Variants in SCGN observed in about 807,000 individuals in gnomAD.
SCGN encodes the protein secretagogin, EF-hand calcium binding protein, also known as secretagogin.
In SCGN, 30 loss-of-function variants were observed where a neutral mutation model predicts 39.7. The observed-to-expected ratio is 0.76, with a 90% confidence interval of 0.57 to 1.03. The LOEUF is 1.03. SCGN is among the 50% of genes least tolerant of loss of function. The pLI is 0.00. For synonymous variants in SCGN, 106 were observed against 114.1 expected (o/e 0.93, Z 0.45); for missense variants, 353 against 349.4 (o/e 1.01, Z -0.08).
chr6:25,688,764 T>C (rs1380964849), intron 7 of SCGN, among the ~76,000 whole-genome samples: 1 of 140,654 alleles, frequency 7.1e-6, no homozygotes, highest in Non-Finnish European at 1.5e-5. Flanking sequence ...ATCGCACCAC[T>C]GCACTCCAGC....
At chr6:25,683,146 C>T (rs1012763907) in intron 7 of SCGN, among the ~76,000 whole-genome samples, 9 of 152,130 alleles carry the variant, frequency 5.9e-5, no homozygotes, top group African/African-American at 1.9e-4. Flanking sequence ...ACTGAGGGAC[C>T]AGCCAAAGAG....
At chr6:25,665,063 A>G (rs768088258) in intron 4 of SCGN, 31 bp downstream of exon 4, 2 of 1,526,008 alleles carry the variant, frequency 1.3e-6, no homozygotes, top group South Asian at 1.1e-5. Flanking sequence ...CTGTGAAGAA[A>G]GAGGACTGAG....
At chr6:25,684,357 G>A (rs903400273) in intron 7 of SCGN, among the ~76,000 whole-genome samples, 20 of 152,126 alleles carry the variant, frequency 1.3e-4, no homozygotes, top group Admixed American at 1.3e-3. Flanking sequence ...CAGAACCTCC[G>A]CGGATACCAG....
At chr6:25,689,590 C>T (rs1759750904) in intron 9 of SCGN, 58 bp downstream of exon 9, 1 of 1,418,698 alleles carries the variant, frequency 7.0e-7, no homozygotes, top group South Asian at 1.2e-5. Flanking sequence ...TTATTTAACC[C>T]CTATGTGGAG....
At chr6:25,673,006 C>T (rs568691202) in intron 6 of SCGN, among the ~76,000 whole-genome samples, 56 of 152,304 alleles carry the variant, frequency 3.7e-4, no homozygotes, top group African/African-American at 1.3e-3. Context: ...AGCGTCTCAC[C>T]TTCTTGTCTC....
chr6:25,691,914 G>A (rs1237529323), intron 10 of SCGN, among the ~76,000 whole-genome samples: 1 of 152,168 alleles, frequency 6.6e-6, no homozygotes, highest in Admixed American at 6.5e-5. Context: ...TTAACACTAT[G>A]GAACCTTGCA....
At chr6:25,699,607 A>G (rs577820402) in intron 10 of SCGN, among the ~76,000 whole-genome samples, 12 of 151,712 alleles carry the variant, frequency 7.9e-5, no homozygotes, top group African/African-American at 1.2e-4. Context: ...AAAAAAAAAA[A>G]AAAGAAAAGA....
intron 7 of SCGN, among the ~76,000 whole-genome samples, chr6:25,685,685 A>G (rs1300509544): frequency 2.0e-5 from 3 of 152,210 alleles, no homozygotes; most frequent in African/African-American, 7.2e-5. Flanking sequence ...GAAAAGAGGC[A>G]GACATATTTG....
chr6:25,688,043 C>A (rs1759727408), intron 7 of SCGN, among the ~76,000 whole-genome samples: 1 of 152,120 alleles, frequency 6.6e-6, no homozygotes, highest in Admixed American at 6.5e-5. Context: ...GTGTGCTCCA[C>A]AACATAGATT....
At position 25,689,538 on chromosome 6, in the gene SCGN, T is replaced by C. The variant is rs1216333904; in HGVS notation, c.633+6T>C. 10 of 1,612,576 alleles carry C rather than the reference T, an allele frequency of 6.2e-6. No individual in the cohort carries two copies. Among genetic ancestry groups the C allele is most frequent in the African/African-American group, 1.3e-5 (1 of 74,868 alleles). ...TCTTTGCCTACTATGATGTTGTAAG[T>C]GTGCGTCTTTATACTGTGCTGGCCA... On this transcript the variant is annotated splice_donor_region_variant and intron_variant, in intron 9 of 10. Transcript: ENST00000377961.
At chr6:25,661,321 T>C (rs9467555) in intron 2 of SCGN, among the ~76,000 whole-genome samples, 19,327 of 152,202 alleles carry the variant, frequency 0.13, 1,318 homozygotes, top group Middle Eastern at 0.16. Context: ...AGTAACTCAT[T>C]AACTGTAAAT....
chr6:25,681,263 C>T (rs562218039), intron 6 of SCGN, among the ~76,000 whole-genome samples: 10 of 152,200 alleles, frequency 6.6e-5, no homozygotes, highest in African/African-American at 2.2e-4. Flanking sequence ...TTTGCCTTCA[C>T]GGAAACATGA....
intron 7 of SCGN, among the ~76,000 whole-genome samples, chr6:25,686,206 G>A (rs1436995455): frequency 6.6e-6 from 1 of 152,122 alleles, no homozygotes; most frequent in African/African-American, 2.4e-5. Flanking sequence ...ACAAATATAC[G>A]TTTGTGATTC....
intron 4 of SCGN, among the ~76,000 whole-genome samples, chr6:25,669,157 T>C (rs1759454137): frequency 6.6e-6 from 1 of 151,362 alleles, no homozygotes; most frequent in African/African-American, 2.4e-5. Flanking sequence ...CATTTTTAGG[T>C]ATTTAGTACT....
chr6:25,699,002 AT>A lies in SCGN; in HGVS notation c.703-2196del, dbSNP rs537590890. On this transcript the variant is annotated intron_variant, in intron 10 of 10. Coordinates refer to ENST00000377961, the MANE Select transcript of SCGN (RefSeq NM_006998.4). The stretch of plus-strand genomic sequence containing the variant: ...ACGTGGCTTGGCTAGTTAAGGAACA[AT>A]TTTTTTTTCTTCCCCTACTGATGAT... Among the ~76,000 whole-genome samples, 27 of 151,490 alleles carry A rather than the reference AT, an allele frequency of 1.8e-4. No homozygotes were observed. The South Asian group carries it at 2.3e-3, about 13-fold the overall frequency.
intron 2 of SCGN, among the ~76,000 whole-genome samples, chr6:25,661,095 T>C (rs1760327846): frequency 1.3e-5 from 2 of 152,186 alleles, no homozygotes; most frequent in African/African-American, 4.8e-5. Context: ...CATTATGTTT[T>C]TTTCCTCAGA....
At chr6:25,692,407 G>A (rs1018200926) in intron 10 of SCGN, among the ~76,000 whole-genome samples, 1 of 152,236 alleles carries the variant, frequency 6.6e-6, no homozygotes, top group African/African-American at 2.4e-5. Flanking sequence ...GGCAGTGACT[G>A]CCTGAGTGTA....
intron 2 of SCGN, among the ~76,000 whole-genome samples, chr6:25,659,752 T>C (rs985029211): frequency 2.6e-5 from 4 of 152,196 alleles, no homozygotes; most frequent in African/African-American, 7.2e-5. Flanking sequence ...TATGCTGTCT[T>C]CCCTGGGTTT....
chr6:25,664,086 C>A (rs556835879), intron 3 of SCGN, among the ~76,000 whole-genome samples: 121 of 152,124 alleles, frequency 8.0e-4, no homozygotes, highest in Non-Finnish European at 1.3e-3. Flanking sequence ...AGTATTATAA[C>A]TACATAGGGG....
Sources: gnomAD v4.1 joint callset for allele counts (sites outside exome capture counted in the v4.1 genomes callset) on GRCh38, gnomAD v4.1.1 for gene constraint, MANE v1.5 for transcripts, NCBI Gene and HGNC (gene_info 2026-07-23, HGNC 2026-07-21) for gene names.